Variants in CNBD2 observed in about 807,000 individuals in gnomAD.
CNBD2 encodes the protein cyclic nucleotide binding domain containing 2.
CNBD2 carries 64 observed loss-of-function variants against 63.7 expected under a neutral mutation model. That is an observed-to-expected ratio of 1.00 (90% CI 0.82 to 1.24). CNBD2 has a LOEUF of 1.24. CNBD2 is among the 50% of genes most tolerant of loss of function. CNBD2 has a pLI of 0.00. For missense variants in CNBD2, 691 were observed against 713.5 expected (o/e 0.97, Z 0.36); for synonymous variants, 229 against 255.4 (o/e 0.90, Z 0.99).
intron 11 of CNBD2, among the ~76,000 whole-genome samples, chr20:36,028,036 G>A (rs141680649): frequency 1.1e-3 from 174 of 152,272 alleles, no homozygotes; most frequent in African/African-American, 3.9e-3. Flanking sequence ...AGTCTTGTGA[G>A]AAAAACAAGC....
chr20:35,993,996 C>A (rs1361135818), intron 7 of CNBD2, among the ~76,000 whole-genome samples: 1 of 150,730 alleles, frequency 6.6e-6, no homozygotes, highest in Non-Finnish European at 1.5e-5. Context: ...TCTCCTGCCT[C>A]AGCCTCCTGA....
chr20:35,973,146 A>C (rs528686148), intron 2 of CNBD2: 2 of 340,490 alleles, frequency 5.9e-6, no homozygotes, highest in African/African-American at 4.2e-5. Flanking sequence ...TTCATCAAAG[A>C]GTTTAAGTCA....
intron 1 of CNBD2, among the ~76,000 whole-genome samples, chr20:35,970,301 A>C (rs1421169918): frequency 6.6e-6 from 1 of 152,198 alleles, no homozygotes; most frequent in East Asian, 1.9e-4. Flanking sequence ...TTTGTTGATT[A>C]TATGCATAGT....
intron 11 of CNBD2, among the ~76,000 whole-genome samples, chr20:36,026,383 G>C (rs1433446185): frequency 6.6e-6 from 1 of 152,008 alleles, no homozygotes; most frequent in Non-Finnish European, 1.5e-5. Context: ...GTCTTATCAC[G>C]GGTTCCTCCC....
chr20:35,982,302 A>G (rs1443246217), intron 4 of CNBD2, among the ~76,000 whole-genome samples: 2 of 151,880 alleles, frequency 1.3e-5, no homozygotes, highest in Non-Finnish European at 2.9e-5. Flanking sequence ...TTTTTTACCC[A>G]TTGTCTCCTG....
intron 2 of CNBD2, chr20:35,973,169 A>G: frequency 3.6e-6 from 1 of 278,564 alleles, no homozygotes; most frequent in East Asian, 6.9e-5. Context: ...CCTCAATGTA[A>G]AAGGAGAGAG....
At chr20:35,989,005 C>A (rs896604071) in intron 7 of CNBD2, among the ~76,000 whole-genome samples, 2 of 152,190 alleles carry the variant, frequency 1.3e-5, no homozygotes, top group African/African-American at 2.4e-5. Flanking sequence ...AAGAAAATCT[C>A]CCATTTCTCA....
At chr20:35,960,127 A>G (rs555092306), downstream of CNBD2, among the ~76,000 whole-genome samples, 2 of 152,344 alleles carry the variant, frequency 1.3e-5, no homozygotes, top group South Asian at 2.1e-4. Flanking sequence ...CTGTAATCCC[A>G]AAAGAGGACT....
rs765026154 is a variant in CNBD2 at position 36,008,465 on chromosome 20, C to T, written c.1139C>T (p.Pro380Leu). The change falls in exon 9 of 12, where the codon CCG becomes CTG. Residue 380 changes from proline (P) to leucine (L), a missense_variant. Pro to Leu is a moderately conservative substitution (Grantham distance 98). Transcript: ENST00000373973. Reference sequence around the variant, plus strand: ...GACACTCTCCCCAAGATGCTGGGCCCGAAGATCCAGTAAGCTCAGCCCTGG... The same window carrying T: ...GACACTCTCCCCAAGATGCTGGGCCTGAAGATCCAGTAAGCTCAGCCCTGG... ...SGDTLPKMLG[P>L]KIQSRPAQSI... 1.5e-5 allele frequency: 24 copies of T among 1,610,224 alleles called. No individual in the cohort carries two copies. The highest frequency in any genetic ancestry group is 1.4e-4 in the South Asian group (13 of 90,354).
At chr20:35,977,506 T>G (rs2056537521) in intron 3 of CNBD2, among the ~76,000 whole-genome samples, 1 of 152,174 alleles carries the variant, frequency 6.6e-6, no homozygotes, top group Admixed American at 6.5e-5. Flanking sequence ...CTGTCTCTAC[T>G]AAAAATTAAA....
chr20:36,001,804 C>T (rs2056912549), intron 8 of CNBD2, among the ~76,000 whole-genome samples: 2 of 150,846 alleles, frequency 1.3e-5, no homozygotes, highest in Non-Finnish European at 2.9e-5. Flanking sequence ...CGATGGGCGG[C>T]CGGGCAGAGA....
chr20:36,023,958 C>G (rs6142483), intron 11 of CNBD2, among the ~76,000 whole-genome samples, 187 bp downstream of exon 11: 5,496 of 152,302 alleles, frequency 0.036, 167 homozygotes, highest in South Asian at 0.16. Context: ...ATTTCAAGTG[C>G]TATAAAACTG....
chr20:36,008,943 G>C (rs1428169227), intron 9 of CNBD2, among the ~76,000 whole-genome samples: 5 of 150,204 alleles, frequency 3.3e-5, no homozygotes, highest in Non-Finnish European at 5.9e-5. Context: ...ACCTCTCTAA[G>C]CTGTATTTCT....
chr20:35,960,869 TTCCTCTCCTC>T (rs74173967), intron 2 of CNBD2, among the ~76,000 whole-genome samples: 2 of 145,948 alleles, frequency 1.4e-5, no homozygotes, highest in Non-Finnish European at 3.0e-5. Flanking sequence ...TTCTCTTCCT[TTCCTCTCCTC>T]TCCTCTCCTC....
chr20:35,966,217 T>A (rs2147183280), upstream of CNBD2, among the ~76,000 whole-genome samples: 1 of 152,302 alleles, frequency 6.6e-6, no homozygotes, highest in Admixed American at 6.5e-5. Flanking sequence ...TAAAACTTTC[T>A]CTTCTTTCTC....
At chr20:36,012,787 A>T (rs2057079740) in intron 10 of CNBD2, among the ~76,000 whole-genome samples, 3 of 144,222 alleles carry the variant, frequency 2.1e-5, no homozygotes, top group Non-Finnish European at 4.5e-5. Flanking sequence ...GCGCCATTGC[A>T]CTCCAGCCTG....
intron 7 of CNBD2, among the ~76,000 whole-genome samples, chr20:35,989,759 C>T (rs1338607522): frequency 1.3e-5 from 2 of 151,686 alleles, no homozygotes; most frequent in South Asian, 2.1e-4. Flanking sequence ...ATAGTCTTAA[C>T]GACTCAGGAG....
intron 2 of CNBD2, among the ~76,000 whole-genome samples, chr20:35,963,044 T>A (rs2056319965): frequency 6.6e-6 from 1 of 152,178 alleles, no homozygotes; most frequent in Non-Finnish European, 1.5e-5. Context: ...TCTACTTCTA[T>A]GACAATTAAT....
chr20:35,967,237 C>T (rs1027614066), upstream of CNBD2, among the ~76,000 whole-genome samples: 3 of 145,124 alleles, frequency 2.1e-5, no homozygotes, highest in Non-Finnish European at 4.5e-5. Context: ...TTCCCCCTCC[C>T]GCTTTTTTTT....
Sources: allele counts gnomAD v4.1 joint callset (sites outside exome capture counted in the v4.1 genomes callset), GRCh38; gene constraint gnomAD v4.1.1; transcripts MANE v1.5; gene names NCBI Gene and HGNC (gene_info 2026-07-23, HGNC 2026-07-21).